Variants in RGS6 observed in about 807,000 individuals in gnomAD.
The protein encoded by RGS6 is regulator of G-protein signaling 6.
In RGS6, 30 loss-of-function variants were observed where a neutral mutation model predicts 78.5. The observed-to-expected ratio is 0.38, with a 90% CI of 0.29 to 0.52. The LOEUF (loss-of-function observed/expected upper bound fraction) is 0.52, where lower values mean the gene tolerates loss of function less well. Ranked by LOEUF, RGS6 falls within the 20% of genes least tolerant of loss-of-function variation. The pLI, the probability that RGS6 is intolerant of heterozygous loss-of-function variation, is 0.85. For missense variants in RGS6, 495 were observed against 609.7 expected, an observed-to-expected ratio of 0.81 and a Z score of 1.98; for synonymous variants, 206 against 206.0, an observed-to-expected ratio of 1.00 and a Z score of 0.00.
chr14:72,603,559 T>C, the RGS6 span, among the ~76,000 whole-genome samples: 1 of 152,250 alleles, frequency 6.6e-6, no homozygotes, highest in South Asian at 2.1e-4. Context: ...CCCATTCTGT[T>C]GTTGAATATG....
At chr14:72,331,430 G>A (rs527708121) in intron 2 of RGS6, among the ~76,000 whole-genome samples, 10 of 152,250 alleles carry the variant, frequency 6.6e-5, no homozygotes, top group South Asian at 2.1e-4. Context: ...AATGCCCAAC[G>A]AAGTTTTTAT....
intron 2 of RGS6, among the ~76,000 whole-genome samples, chr14:72,320,244 A>G (rs911502457): frequency 4.6e-5 from 7 of 152,236 alleles, no homozygotes; most frequent in Non-Finnish European, 1.0e-4. Flanking sequence ...CGTGTCCAAC[A>G]TTTAAGAACC....
chr14:72,157,189 AT>A (rs2096784831), intron 2 of RGS6, among the ~76,000 whole-genome samples: 1 of 152,198 alleles, frequency 6.6e-6, no homozygotes, highest in South Asian at 2.1e-4. Flanking sequence ...ACATTTGAAC[AT>A]TGTGCCTCAG....
intron 12 of RGS6, among the ~76,000 whole-genome samples, chr14:72,482,623 T>C (rs2096403944): frequency 6.6e-6 from 1 of 152,202 alleles, no homozygotes. Context: ...TGGTTTAGGA[T>C]GGCCTCAGCT....
At chr14:72,270,793 C>T (rs2059819441) in intron 2 of RGS6, among the ~76,000 whole-genome samples, 1 of 152,182 alleles carries the variant, frequency 6.6e-6, no homozygotes, top group African/African-American at 2.4e-5. Context: ...CACCTTTTCC[C>T]AAGTCCTCAT....
intron 2 of RGS6, among the ~76,000 whole-genome samples, chr14:72,164,648 T>C (rs560847894): frequency 5.9e-5 from 9 of 152,194 alleles, no homozygotes; most frequent in East Asian, 1.9e-4. Context: ...GGTGCAGTTA[T>C]GTGACTCAAA....
chr14:72,156,453 C>CAA lies in RGS6; in HGVS notation c.84+191602_84+191603dup, dbSNP rs11332387. On this transcript the variant is annotated intron_variant, in intron 2 of 17. Coordinates refer to ENST00000553525, the MANE Select transcript of RGS6 (RefSeq NM_001204424.2). ...TGGGTGACAGGGTGAGACTCCATCT[C>CAA]AAAAAAAAAAAAAAAAAAAAAAAAA... is the stretch of plus-strand genomic sequence containing the variant. Among the ~76,000 whole-genome samples, 80 of 76,758 alleles carry CAA rather than the reference C, an allele frequency of 1.0e-3. 2 individuals are homozygous for CAA. Among genetic ancestry groups the CAA allele is most frequent in the African/African-American group, 2.5e-3 (45 of 18,190 alleles). 50.4% of individuals were successfully genotyped at this position (76,758 alleles called of 152,430 possible).
At chr14:72,174,289 G>A (rs2097072675) in intron 2 of RGS6, among the ~76,000 whole-genome samples, 1 of 152,236 alleles carries the variant, frequency 6.6e-6, no homozygotes, top group Admixed American at 6.5e-5. Context: ...GTAGAGATGG[G>A]ATTTCTCCAT....
intron 2 of RGS6, among the ~76,000 whole-genome samples, chr14:72,281,307 C>T (rs149288541): frequency 0.016 from 2,507 of 152,056 alleles, 45 homozygotes; most frequent in Admixed American, 0.061. Flanking sequence ...TGCCACCATG[C>T]CCAGCTAATT....
At chr14:72,612,704 A>G in the RGS6 span, 2 of 468,436 alleles carry the variant, frequency 4.3e-6, no homozygotes, top group African/African-American at 2.0e-5. Flanking sequence ...AAAGCTTTGC[A>G]TCCCTTTGAT....
At chr14:72,052,945 C>CT (rs1304346453) in intron 2 of RGS6, among the ~76,000 whole-genome samples, 3 of 33,460 alleles carry the variant, frequency 9.0e-5, no homozygotes, top group Non-Finnish European at 1.4e-4. Flanking sequence ...TTCTTTCTTT[C>CT]TTTCTTTCTT....
chr14:71,875,654 C>T, the RGS6 span, among the ~76,000 whole-genome samples: 35 of 152,094 alleles, frequency 2.3e-4, no homozygotes, highest in Admixed American at 3.3e-4. Context: ...TTCAGTTCTG[C>T]TCTGATCTTA....
intron 2 of RGS6, among the ~76,000 whole-genome samples, chr14:72,193,233 A>G (rs1368858265): frequency 6.6e-6 from 1 of 152,076 alleles, no homozygotes; most frequent in Non-Finnish European, 1.5e-5. Context: ...ACCTCAGGTG[A>G]TCCACCTGCC....
the RGS6 span, chr14:72,629,512 AG>A: frequency 9.8e-7 from 1 of 1,023,054 alleles, no homozygotes; most frequent in Non-Finnish European, 1.4e-6. Flanking sequence ...CCCAAGTGCC[AG>A]GGTAACAGGC....
intron 2 of RGS6, among the ~76,000 whole-genome samples, chr14:72,281,081 G>A (rs953808816): frequency 6.6e-6 from 1 of 151,526 alleles, no homozygotes; most frequent in Non-Finnish European, 1.5e-5. Context: ...AGATAGTTAT[G>A]CTGTATTAAC....
At chr14:72,006,722 C>T (rs1361097666) in intron 2 of RGS6, among the ~76,000 whole-genome samples, 1 of 152,178 alleles carries the variant, frequency 6.6e-6, no homozygotes, top group Non-Finnish European at 1.5e-5. Flanking sequence ...ACAATAAATT[C>T]TTGTTGTTTT....
intron 2 of RGS6, among the ~76,000 whole-genome samples, chr14:72,098,488 T>C (rs1357886992): frequency 1.3e-5 from 2 of 152,196 alleles, no homozygotes; most frequent in Non-Finnish European, 2.9e-5. Flanking sequence ...GGGCAGAGTT[T>C]AGTGGCATTG....
intron 2 of RGS6, among the ~76,000 whole-genome samples, chr14:72,212,492 G>A (rs847283): frequency 0.94 from 143,236 of 152,236 alleles, 67,682 homozygotes; most frequent in South Asian, 1. Flanking sequence ...ATTAGATGCT[G>A]TGGGTAGCTG....
At chr14:72,324,132 A>T (rs2152532986) in intron 2 of RGS6, among the ~76,000 whole-genome samples, 1 of 152,238 alleles carries the variant, frequency 6.6e-6, no homozygotes, top group East Asian at 1.9e-4. Flanking sequence ...ACTAGATATT[A>T]TTCATTTATA....
Sources: allele counts gnomAD v4.1 joint callset (sites outside exome capture counted in the v4.1 genomes callset), GRCh38; gene constraint gnomAD v4.1.1; transcripts MANE v1.5; gene names NCBI Gene and HGNC (gene_info 2026-07-23, HGNC 2026-07-21).